Variants in NEXMIF observed in about 807,000 individuals in gnomAD.
The protein encoded by NEXMIF is XLMR protein related to neurite extension.
Under a neutral mutation model 62.1 loss-of-function variants are expected in NEXMIF, and 8 were observed. That is an observed-to-expected ratio of 0.13 (90% CI 0.08 to 0.23). The LOEUF is 0.23. Among genes scored for constraint, NEXMIF ranks in the 10% least tolerant of loss-of-function variants. The pLI is 1.00. For missense variants in NEXMIF, 976 were observed against 1,113.3 expected (o/e 0.88, Z 1.75); for synonymous variants, 404 against 416.6 (o/e 0.97, Z 0.37).
intron 1 of NEXMIF, among the ~76,000 whole-genome samples, chrX:74,811,862 T>C (rs950674635): frequency 2.7e-5 from 3 of 113,140 alleles, no homozygotes; most frequent in South Asian, 3.6e-4. Context: ...TAAGTGACTG[T>C]AGACAGGAAA....
At chrX:74,867,763 C>A (rs1335445831) in intron 1 of NEXMIF, among the ~76,000 whole-genome samples, 2 of 112,055 alleles carry the variant, frequency 1.8e-5, no homozygotes, top group Non-Finnish European at 3.8e-5. Flanking sequence ...GCAATGGCAA[C>A]AAAAGTAAAA....
intron 1 of NEXMIF, among the ~76,000 whole-genome samples, chrX:74,754,310 T>A (rs1365668291): frequency 2.9e-5 from 3 of 104,759 alleles, no homozygotes; most frequent in Non-Finnish European, 6.0e-5. Flanking sequence ...TTTTATTTTT[T>A]TATTTTTTTT....
At chrX:74,891,442 A>G (rs1429176132) in intron 1 of NEXMIF, among the ~76,000 whole-genome samples, 1 of 111,570 alleles carries the variant, frequency 9.0e-6, no homozygotes, top group African/African-American at 3.3e-5. Flanking sequence ...GCTACAATCA[A>G]TAAATAATGC....
intron 1 of NEXMIF, among the ~76,000 whole-genome samples, chrX:74,817,659 A>G (rs779819471): frequency 1.6e-4 from 18 of 110,974 alleles, no homozygotes; most frequent in Non-Finnish European, 2.8e-4. Context: ...AAGTATATTT[A>G]CTCTTTTCCT....
At chrX:74,817,600 C>A (rs2080380171) in intron 1 of NEXMIF, among the ~76,000 whole-genome samples, 1 of 111,650 alleles carries the variant, frequency 9.0e-6, no homozygotes, top group Non-Finnish European at 1.9e-5. Flanking sequence ...CCATTGCTCA[C>A]CTATGTTGAG....
At chrX:74,810,763 G>A (rs929326001) in intron 1 of NEXMIF, among the ~76,000 whole-genome samples, 11 of 111,198 alleles carry the variant, frequency 9.9e-5, no homozygotes, top group Admixed American at 1.9e-4. Flanking sequence ...TAACAACTTC[G>A]AAGAATCATT....
rs182920726 is a variant in NEXMIF at position 74,829,756 on chromosome X, G to A, written c.-47-84059C>T. 4.9e-4 allele frequency among the ~76,000 whole-genome samples: 55 copies of A among 111,863 alleles called. No homozygotes were observed. In the South Asian group the frequency reaches 8.6e-3, roughly 18 times the overall value. On this transcript the variant is annotated intron_variant, in intron 1 of 3. Transcript: ENST00000055682. The stretch of plus-strand genomic sequence containing the variant: ...GGATAAAAGCCATTTTAACTGGGGT[G>A]AGATGATATCTTCTCATTGTACCTT...
intron 1 of NEXMIF, among the ~76,000 whole-genome samples, chrX:74,835,393 G>C (rs1298841959): frequency 2.7e-5 from 3 of 111,350 alleles, no homozygotes; most frequent in African/African-American, 9.8e-5. Context: ...ACATTGATGA[G>C]TTAGGTATTT....
At chrX:74,843,014 T>C (rs893277528) in intron 1 of NEXMIF, among the ~76,000 whole-genome samples, 1 of 111,719 alleles carries the variant, frequency 9.0e-6, no homozygotes, top group African/African-American at 3.3e-5. Context: ...TGAGTTTAGG[T>C]CCTGAATACC....
chrX:74,864,368 C>T (rs1035380072), intron 1 of NEXMIF, among the ~76,000 whole-genome samples: 2 of 112,435 alleles, frequency 1.8e-5, no homozygotes, highest in East Asian at 2.8e-4. Context: ...TAATAAGCAA[C>T]TTCAGCAAAG....
At chrX:74,786,884 C>G (rs889329654) in intron 1 of NEXMIF, among the ~76,000 whole-genome samples, 1 of 110,686 alleles carries the variant, frequency 9.0e-6, no homozygotes, top group Non-Finnish European at 1.9e-5. Flanking sequence ...CACACACACC[C>G]CTATCACTAG....
intron 1 of NEXMIF, among the ~76,000 whole-genome samples, chrX:74,859,070 G>A (rs1431469159): frequency 9.0e-6 from 1 of 111,185 alleles, no homozygotes; most frequent in Non-Finnish European, 1.9e-5. Context: ...TAAAGAGAAG[G>A]TAGAGAAAGA....
chrX:74,863,146 T>C (rs1457746006), intron 1 of NEXMIF, among the ~76,000 whole-genome samples: 1 of 102,167 alleles, frequency 9.8e-6, no homozygotes, highest in Non-Finnish European at 1.9e-5. Flanking sequence ...GACTCCAGCC[T>C]GGGTGACAGA....
At chrX:74,825,986 C>T (rs2080415340) in intron 1 of NEXMIF, among the ~76,000 whole-genome samples, 1 of 112,677 alleles carries the variant, frequency 8.9e-6, no homozygotes, top group Non-Finnish European at 1.9e-5. Flanking sequence ...CATAGGTGTA[C>T]TTGTGTATTT....
At chrX:74,790,977 C>T (rs1348117799) in intron 1 of NEXMIF, among the ~76,000 whole-genome samples, 6 of 110,857 alleles carry the variant, frequency 5.4e-5, no homozygotes, top group Admixed American at 3.8e-4. Flanking sequence ...TCTCCTTCTC[C>T]TGCCTAATTG....
In NEXMIF at chrX:74,790,903, A is replaced by G. The variant is rs771907844; in HGVS notation, c.-47-45206T>C. On this transcript the variant is annotated intron_variant, in intron 1 of 3. Coordinates refer to ENST00000055682, the MANE Select transcript of NEXMIF (RefSeq NM_001008537.3). Reference sequence around the variant, plus strand: ...TGAGACAATGGGGTTTTCTAGATATACAATCATGTCGTCTGCAAACAGGGA... The same window carrying G: ...TGAGACAATGGGGTTTTCTAGATATGCAATCATGTCGTCTGCAAACAGGGA... Among the ~76,000 whole-genome samples, 356 of 109,858 alleles carry G rather than the reference A, an allele frequency of 3.2e-3. 2 individuals are homozygous for G. Among genetic ancestry groups the G allele is most frequent in the African/African-American group, 0.011 (341 of 30,134 alleles).
chrX:74,891,525 G>A (rs6647077), intron 1 of NEXMIF, among the ~76,000 whole-genome samples: 1 of 111,285 alleles, frequency 9.0e-6, no homozygotes, highest in Non-Finnish European at 1.9e-5. Flanking sequence ...AGTGAAAGGC[G>A]TTGTGAAGTT....
At chrX:74,873,271 G>C (rs1192298449) in intron 1 of NEXMIF, among the ~76,000 whole-genome samples, 1 of 111,214 alleles carries the variant, frequency 9.0e-6, no homozygotes, top group Non-Finnish European at 1.9e-5. Flanking sequence ...ATAGTTTACT[G>C]AGAATGATGA....
At chrX:74,804,235 C>T (rs1397232654) in intron 1 of NEXMIF, among the ~76,000 whole-genome samples, 1 of 112,452 alleles carries the variant, frequency 8.9e-6, no homozygotes, top group Non-Finnish European at 1.9e-5. Flanking sequence ...AACTTGTTAT[C>T]AGCTTAAAAT....
Sources: gnomAD v4.1 joint callset for allele counts (sites outside exome capture counted in the v4.1 genomes callset) on GRCh38, gnomAD v4.1.1 for gene constraint, MANE v1.5 for transcripts, NCBI Gene and HGNC (gene_info 2026-07-23, HGNC 2026-07-21) for gene names.